LARP4B: variants seen among roughly 807,000 people sequenced by gnomAD.
The protein encoded by LARP4B is la-related protein 4B.
Under a neutral mutation model 89.8 loss-of-function variants are expected in LARP4B, and 12 were observed. The ratio of observed to expected loss-of-function variants is 0.13; its 90% confidence interval spans 0.09 to 0.22. LARP4B has a LOEUF of 0.22. Ranked by LOEUF, LARP4B falls within the 10% of genes least tolerant of loss-of-function variation. The pLI is 1.00. For synonymous variants in LARP4B, 367 were observed against 363.3 expected (o/e 1.01, Z -0.12); for missense variants, 757 against 947.7 (o/e 0.80, Z 2.64).
chr10:877,563 G>C (rs562189362), intron 3 of LARP4B, among the ~76,000 whole-genome samples: 121 of 152,258 alleles, frequency 7.9e-4, no homozygotes, highest in Non-Finnish European at 1.5e-3. Flanking sequence ...CCACTTTTTA[G>C]TCCAGTAATC....
chr10:954,003 G>A, the LARP4B span, among the ~76,000 whole-genome samples: 2 of 152,246 alleles, frequency 1.3e-5, no homozygotes, highest in Non-Finnish European at 2.9e-5. This position sits in a 1 kb window ranked among gnomAD's most constrained non-coding sequence, Gnocchi z 5.0. Context: ...GGCCAGGCCT[G>A]CCAGGCAGAG....
intron 8 of LARP4B, among the ~76,000 whole-genome samples, chr10:832,295 A>G (rs971893912): frequency 1.3e-5 from 2 of 152,152 alleles, no homozygotes; most frequent in Admixed American, 1.3e-4. Context: ...CGCCCGCCTC[A>G]GCCTCCCAAA....
At chr10:819,442 G>A (rs923120667) in intron 14 of LARP4B, 20 of 152,218 alleles carry the variant, frequency 1.3e-4, no homozygotes, top group African/African-American at 3.1e-4. Flanking sequence ...GGTTAGGCCC[G>A]AGGCTCACAC....
the LARP4B span, chr10:986,174 A>G: frequency 0.99 from 151,107 of 152,340 alleles, 74,955 homozygotes; most frequent in Middle Eastern, 1. Flanking sequence ...AAAAGACCAA[A>G]CCCACAAAAT....
intron 1 of LARP4B, among the ~76,000 whole-genome samples, chr10:896,053 G>A (rs919427833): frequency 6.0e-5 from 9 of 151,254 alleles, no homozygotes; most frequent in Non-Finnish European, 1.2e-4. Flanking sequence ...AGCTGCCCAT[G>A]CAGGAGAAGC....
At chr10:843,127 C>A in intron 6 of LARP4B, 59 bp from the exon 7 acceptor site, 2 of 1,483,830 alleles carry the variant, frequency 1.3e-6, no homozygotes, top group Non-Finnish European at 1.9e-6. Context: ...GTTTCACCTA[C>A]TGTAATTCCA....
intron 15 of LARP4B, among the ~76,000 whole-genome samples, chr10:816,971 C>T (rs143151679): frequency 7.3e-4 from 111 of 152,320 alleles, no homozygotes; most frequent in Non-Finnish European, 7.1e-4. Flanking sequence ...GTGGAACAGA[C>T]ACGTGGTAAC....
intron 5 of LARP4B, among the ~76,000 whole-genome samples, chr10:852,227 C>G (rs1444604318): frequency 6.6e-6 from 1 of 152,062 alleles, no homozygotes; most frequent in Non-Finnish European, 1.5e-5. Flanking sequence ...AACTAGAAAC[C>G]AAGATCCCAG....
Position 842,911 on chromosome 10 carries a change from TTTAAA to T in LARP4B, c.646+16_646+20del. On this transcript the variant is annotated intron_variant, in intron 7 of 17. Coordinates refer to ENST00000316157, the MANE Select transcript of LARP4B (RefSeq NM_015155.3). ...ATACTCTAAGGACAAGTATTATTAATTTAAATTGTCATTTACTTACATCTTAGCAC... is the reference window on the plus strand; with the variant it reads ...ATACTCTAAGGACAAGTATTATTAATTTGTCATTTACTTACATCTTAGCAC... The T allele has an allele frequency of 1.2e-6, 2 of 1,609,250 alleles. No individual in the cohort carries two copies. The highest frequency in any genetic ancestry group is 4.5e-5 in the East Asian group (2 of 44,860).
chr10:944,245 T>C, the LARP4B span, among the ~76,000 whole-genome samples: 2 of 152,164 alleles, frequency 1.3e-5, no homozygotes, highest in African/African-American at 4.8e-5. Flanking sequence ...GAATGGTAGG[T>C]GGGGAAGTCC....
chr10:860,600 T>C (rs985361952), intron 5 of LARP4B, among the ~76,000 whole-genome samples: 11 of 152,112 alleles, frequency 7.2e-5, no homozygotes, highest in African/African-American at 2.7e-4. Flanking sequence ...AATAGGGGAA[T>C]AGAAAAACAA....
At chr10:872,849 T>C (rs985745094) in intron 3 of LARP4B, among the ~76,000 whole-genome samples, 2 of 152,184 alleles carry the variant, frequency 1.3e-5, no homozygotes, top group Non-Finnish European at 2.9e-5. Context: ...CAAGTTTTCA[T>C]ACCTTGTTGA....
the LARP4B span, among the ~76,000 whole-genome samples, chr10:943,370 C>T: frequency 1.3e-5 from 2 of 152,212 alleles, no homozygotes; most frequent in Admixed American, 6.5e-5. Flanking sequence ...AGCCTCTTCA[C>T]AGGACAGCAA....
chr10:926,719 A>C (rs962699168), intron 1 of LARP4B, among the ~76,000 whole-genome samples: 4 of 152,230 alleles, frequency 2.6e-5, no homozygotes, highest in African/African-American at 9.6e-5. Context: ...CCCCCTAAAA[A>C]ACTAAGCAGT....
intron 5 of LARP4B, among the ~76,000 whole-genome samples, chr10:859,262 G>GA (rs1834468762): frequency 8.6e-6 from 1 of 116,712 alleles, no homozygotes; most frequent in African/African-American, 3.3e-5. Flanking sequence ...CTGGGCAACA[G>GA]AATTATTCCA....
intron 9 of LARP4B, 62 bp downstream of exon 9, chr10:830,805 T>G: frequency 1.3e-6 from 1 of 744,772 alleles, no homozygotes; most frequent in Non-Finnish European, 2.4e-6. Flanking sequence ...AGTCCCAACA[T>G]GCACTAATAG....
At chr10:915,663 A>G (rs1392308161) in intron 1 of LARP4B, among the ~76,000 whole-genome samples, 2 of 151,324 alleles carry the variant, frequency 1.3e-5, no homozygotes, top group Non-Finnish European at 2.9e-5. Flanking sequence ...AATTAGCTGG[A>G]TGTGGTGGTG....
chr10:965,434 T>TC, the LARP4B span, among the ~76,000 whole-genome samples: 5 of 150,674 alleles, frequency 3.3e-5, no homozygotes, highest in South Asian at 2.1e-4. Flanking sequence ...CGGTGCCCGC[T>TC]CCCCCCCGTT....
At chr10:872,496 A>T (rs1358695267) in intron 3 of LARP4B, among the ~76,000 whole-genome samples, 1 of 152,184 alleles carries the variant, frequency 6.6e-6, no homozygotes, top group Non-Finnish European at 1.5e-5. Context: ...CACTCTCCTG[A>T]ATCCTGACAT....
Sources: allele counts gnomAD v4.1 joint callset (sites outside exome capture counted in the v4.1 genomes callset), GRCh38; gene constraint gnomAD v4.1.1; non-coding constraint Gnocchi (gnomAD v3.1); transcripts MANE v1.5; gene names NCBI Gene and HGNC (gene_info 2026-07-23, HGNC 2026-07-21).